GARNL3: variants seen among roughly 807,000 people sequenced by gnomAD.
GARNL3 encodes the protein GTPase-activating Rap/Ran-GAP domain-like protein 3.
Under a neutral mutation model 125.0 loss-of-function variants are expected in GARNL3, and 63 were observed. That is an observed-to-expected ratio of 0.50 (90% CI 0.41 to 0.62). GARNL3 has a LOEUF of 0.62. GARNL3 is among the 20% of genes least tolerant of loss of function. The probability of loss-of-function intolerance (pLI) is 0.00; values close to 1 mark genes in which losing one functional copy is unlikely to be tolerated. For synonymous variants in GARNL3, 439 were observed against 457.5 expected (o/e 0.96, Z 0.52); for missense variants, 994 against 1,244.0 (o/e 0.80, Z 3.02).
chr9:127,303,130 G>A (rs1588805921), intron 2 of GARNL3, among the ~76,000 whole-genome samples: 2 of 151,956 alleles, frequency 1.3e-5, no homozygotes, highest in African/African-American at 2.4e-5. Flanking sequence ...CAGCCTGGGC[G>A]ACAGAGCAAG....
At chr9:127,264,558 G>A (rs2063660943), upstream of GARNL3, 2 of 1,035,254 alleles carry the variant, frequency 1.9e-6, no homozygotes, top group South Asian at 4.6e-5. Flanking sequence ...TTAAATGAAA[G>A]ATAATTGCAA....
chr9:127,349,097 A>G, intron 17 of GARNL3, 62 bp downstream of exon 17: 1 of 1,138,098 alleles, frequency 8.8e-7, no homozygotes, highest in Non-Finnish European at 1.3e-6. Flanking sequence ...TTCTAAGATG[A>G]GTGACCACCA....
chr9:127,245,038 G>A (rs2063272532), intron 2 of GARNL3, among the ~76,000 whole-genome samples: 1 of 152,202 alleles, frequency 6.6e-6, no homozygotes, highest in Non-Finnish European at 1.5e-5. Flanking sequence ...TGGGGCGGGT[G>A]GGTAGCCCCG....
At chr9:127,375,898 G>C (rs1240020202) in intron 22 of GARNL3, among the ~76,000 whole-genome samples, 2 of 152,208 alleles carry the variant, frequency 1.3e-5, no homozygotes, top group African/African-American at 4.8e-5. Context: ...AAGCATGTGA[G>C]TGCACCATCT....
At chr9:127,283,318 A>G (rs1350936350) in intron 1 of GARNL3, among the ~76,000 whole-genome samples, 1 of 152,206 alleles carries the variant, frequency 6.6e-6, no homozygotes, top group Non-Finnish European at 1.5e-5. Context: ...ACACATAGCC[A>G]CTGAGCACTT....
chr9:127,255,088 T>C (rs1169374647), intron 2 of GARNL3, among the ~76,000 whole-genome samples: 1 of 152,180 alleles, frequency 6.6e-6, no homozygotes, highest in East Asian at 1.9e-4. Flanking sequence ...GGAAAGCAAA[T>C]GTGACACTAT....
At chr9:127,338,210 T>G in intron 12 of GARNL3, 49 bp downstream of exon 12, 1 of 1,339,366 alleles carries the variant, frequency 7.5e-7, no homozygotes, top group East Asian at 2.3e-5. Flanking sequence ...TCATGCTTGT[T>G]AATTTAGCAT....
At chr9:127,369,481 C>T (rs1228396123) in intron 22 of GARNL3, among the ~76,000 whole-genome samples, 2 of 152,172 alleles carry the variant, frequency 1.3e-5, no homozygotes, top group Non-Finnish European at 2.9e-5. Flanking sequence ...ACAGAGGCAC[C>T]AGCAAAGTAG....
At chr9:127,388,877 G>A in intron 25 of GARNL3, 27 bp from the exon 26 acceptor site, 1 of 1,313,380 alleles carries the variant, frequency 7.6e-7, no homozygotes. Flanking sequence ...TTAAAGTTCT[G>A]ATGTTCTTTT....
chr9:127,282,661 A>G (rs2064134142), intron 1 of GARNL3, among the ~76,000 whole-genome samples: 1 of 152,186 alleles, frequency 6.6e-6, no homozygotes, highest in Non-Finnish European at 1.5e-5. Context: ...TACTTTACAT[A>G]ATCTTTTTGA....
At chr9:127,253,499 G>C (rs2063442291) in intron 2 of GARNL3, among the ~76,000 whole-genome samples, 1 of 152,216 alleles carries the variant, frequency 6.6e-6, no homozygotes, top group Non-Finnish European at 1.5e-5. Context: ...AACCCATTGT[G>C]AAGCTTAAAT....
intron 20 of GARNL3, among the ~76,000 whole-genome samples, chr9:127,355,932 G>T (rs1024968326): frequency 1.3e-5 from 2 of 152,218 alleles, no homozygotes; most frequent in Admixed American, 6.5e-5. Flanking sequence ...AAGTATGGGA[G>T]TGAGTGATGA....
Position 127,359,087 on chromosome 9 carries a change from G to A in GARNL3, c.2094+1710G>A, listed in dbSNP as rs970329848. Among the ~76,000 whole-genome samples, 5 of 149,608 alleles carry A rather than the reference G, an allele frequency of 3.3e-5. No individual in the cohort carries two copies. The East Asian group carries it at 1.0e-3, about 31-fold the overall frequency. ...CTAATTTAAAGCTGGGAGGAATGCC[G>A]CCCACTCCCCCCACCCGCCGCCCCC... On this transcript the variant is annotated intron_variant, in intron 21 of 27. Coordinates refer to ENST00000373387, the MANE Select transcript of GARNL3 (RefSeq NM_032293.5).
At chr9:127,304,802 G>T (rs2064902992) in intron 2 of GARNL3, among the ~76,000 whole-genome samples, 1 of 152,092 alleles carries the variant, frequency 6.6e-6, no homozygotes, top group African/African-American at 2.4e-5. Context: ...TTCCCAAAGT[G>T]CTAGGATTAC....
intron 5 of GARNL3, among the ~76,000 whole-genome samples, chr9:127,318,385 G>A (rs1006185995): frequency 7.9e-5 from 12 of 152,214 alleles, no homozygotes; most frequent in African/African-American, 2.9e-4. Context: ...TATAGCAAGT[G>A]TGTAGTGGAA....
In GARNL3 at chr9:127,390,660, A is replaced by T; in HGVS notation, c.2763A>T (p.Gly921=). Residue 921 remains glycine (G), a synonymous_variant, in exon 27 of 28, where the codon GGA becomes GGT. Coordinates refer to ENST00000373387, the MANE Select transcript of GARNL3 (RefSeq NM_032293.5). ...RELLGLSDEG[G]PKSEGAPKAK... Reference sequence around the variant, plus strand: ...ATCCAGGCCTCTCGGATGAAGGTGGACCCAAGTCAGAAGGAGCGCCAAAGG... The same window carrying T: ...ATCCAGGCCTCTCGGATGAAGGTGGTCCCAAGTCAGAAGGAGCGCCAAAGG... 1 of 1,613,996 alleles carries T rather than the reference A, an allele frequency of 6.2e-7. No individual in the cohort carries two copies. Among genetic ancestry groups the T allele is most frequent in the Non-Finnish European group, 8.5e-7 (1 of 1,179,902 alleles).
intron 2 of GARNL3, among the ~76,000 whole-genome samples, chr9:127,291,734 T>C (rs2064425136): frequency 6.8e-6 from 1 of 147,140 alleles, no homozygotes; most frequent in Admixed American, 6.8e-5. Flanking sequence ...TGCTTTTTTT[T>C]TTTTTTTTTT....
chr9:127,332,967 GA>G, intron 8 of GARNL3, 55 bp from the exon 9 acceptor site: 1 of 1,224,110 alleles, frequency 8.2e-7, no homozygotes, highest in Non-Finnish European at 1.2e-6. Context: ...TCCATAGTTA[GA>G]AAATGAGGAC....
rs533840777 is a variant in GARNL3 at position 127,375,939 on chromosome 9, G to A, written c.2162-7499G>A. Among the ~76,000 whole-genome samples, 6 of 152,220 alleles carry A rather than the reference G, an allele frequency of 3.9e-5. No individual in the cohort carries two copies. In the South Asian group the frequency reaches 1.2e-3, roughly 32 times the overall value. On this transcript the variant is annotated intron_variant, in intron 22 of 27. Coordinates refer to ENST00000373387, the MANE Select transcript of GARNL3 (RefSeq NM_032293.5). ...GCAGACCCAAGTCAAGCCTTCTGAT[G>A]ACTGTAACCTCCAATGACATCTTTT...
Sources: gnomAD v4.1 joint callset for allele counts (sites outside exome capture counted in the v4.1 genomes callset) on GRCh38, gnomAD v4.1.1 for gene constraint, MANE v1.5 for transcripts, NCBI Gene and HGNC (gene_info 2026-07-23, HGNC 2026-07-21) for gene names.